Variants in RPL6 observed in about 807,000 individuals in gnomAD.
RPL6 encodes the protein large ribosomal subunit protein eL6.
A neutral mutation model predicts 32.1 loss-of-function variants in RPL6; 1 was observed. That is an observed-to-expected ratio of 0.03 (90% CI 0.01 to 0.15). The LOEUF is 0.15. Among genes scored for constraint, RPL6 ranks in the 10% least tolerant of loss-of-function variants. The pLI, the probability that RPL6 is intolerant of heterozygous loss-of-function variation, is 1.00. For synonymous variants in RPL6, 126 were observed against 131.6 expected (o/e 0.96, Z 0.29); for missense variants, 275 against 354.6 (o/e 0.78, Z 1.80).
intron 1 of RPL6, among the ~76,000 whole-genome samples, chr12:112,417,560 C>CATTTT (rs1654215719): frequency 1.3e-5 from 1 of 75,090 alleles, no homozygotes; most frequent in Non-Finnish European, 2.4e-5. Context: ...CCCGGCCCGG[C>CATTTT]TTTTTTTTTT....
chr12:112,406,965 C>T (rs934578982), intron 3 of RPL6, 75 bp from the exon 4 acceptor site: 2 of 1,480,022 alleles, frequency 1.4e-6, no homozygotes, highest in South Asian at 2.4e-5. Context: ...GTCAGCCAAA[C>T]TTTTGCTACA....
chr12:112,413,499 C>T (rs2037363971), upstream of RPL6, among the ~76,000 whole-genome samples: 2 of 152,172 alleles, frequency 1.3e-5, no homozygotes, highest in Non-Finnish European at 2.9e-5. Context: ...GATTGTGCCA[C>T]TGCACTCCAG....
At chr12:112,409,965 C>T (rs1398448392), upstream of RPL6, among the ~76,000 whole-genome samples, 2 of 144,142 alleles carry the variant, frequency 1.4e-5, no homozygotes, top group Admixed American at 7.2e-5. Flanking sequence ...GAGCCAAGAT[C>T]GCGACACTGC....
At chr12:112,406,380 TAAA>T in intron 4 of RPL6, 38 bp from the exon 5 acceptor site, 2 of 1,552,642 alleles carry the variant, frequency 1.3e-6, no homozygotes, top group African/African-American at 1.4e-5. Flanking sequence ...TTTCTGCAAT[TAAA>T]AACTGACTTC....
chr12:112,409,447 A>G (rs1403222373), intron 1 of RPL6, 140 bp downstream of exon 1: 6 of 398,506 alleles, frequency 1.5e-5, no homozygotes, highest in African/African-American at 1.2e-4. Flanking sequence ...AACAACAAAA[A>G]TGAAGCGTCT....
Position 112,408,225 on chromosome 12 carries a change from G to C in RPL6, c.336+15C>G. ...GCATAAACAGAAAATCCAATTTACA[G>C]TCCCCACATCTTACCATTTTGCGAA... On this transcript the variant is annotated intron_variant, in intron 3 of 6. Coordinates refer to ENST00000202773, the MANE Select transcript of RPL6 (RefSeq NM_000970.6). The C allele has an allele frequency of 1.3e-6, 2 of 1,593,398 alleles. No homozygotes were observed. Among genetic ancestry groups the C allele is most frequent in the African/African-American group, 1.3e-5 (1 of 74,448 alleles).
chr12:112,415,649 G>T (rs1324714200), intron 1 of RPL6, among the ~76,000 whole-genome samples: 1 of 152,052 alleles, frequency 6.6e-6, no homozygotes, highest in Non-Finnish European at 1.5e-5. Context: ...CTGGGAGGTG[G>T]AGTTTGCAGT....
rs761384418 is a variant in RPL6, at chr12:112,405,867, C to T, written c.700G>A (p.Asp234Asn). 1.2e-5 allele frequency: 19 copies of T among 1,611,420 alleles called. 1 individual carries two copies. The highest frequency in any genetic ancestry group is 1.7e-4 in the Middle Eastern group (1 of 6,060). Residue 234 changes from aspartate (D) to asparagine (N), a missense_variant, in exon 6 of 7, where the codon GAC becomes AAC. Asp to Asn is a conservative substitution (Grantham distance 23, BLOSUM62 1). Transcript: ENST00000202773. ...KPRHQEGEIF[D>N]TEKEKYEITE... ...TAGAAACTTACCTCTTTTTCTGTGT[C>T]GAAGATCTCACCTTCCTGGTGTCTG...
upstream of RPL6, among the ~76,000 whole-genome samples, chr12:112,413,516 C>T (rs1018077696): frequency 1.5e-4 from 23 of 152,004 alleles, no homozygotes; most frequent in Admixed American, 8.5e-4. Context: ...CCAGCCTGGG[C>T]GACAGAGTGA....
intron 6 of RPL6, 92 bp downstream of exon 6, chr12:112,405,761 T>C: frequency 9.4e-7 from 1 of 1,060,222 alleles, no homozygotes; most frequent in Non-Finnish European, 1.4e-6. Context: ...TTATTTAACC[T>C]TTCATTTTTC....
Position 112,406,852 on chromosome 12 carries a change from C to T in RPL6, c.375G>A (p.Leu125=). The change falls in exon 4 of 7, where the codon CTG becomes CTA. Residue 125 remains leucine (L), a synonymous_variant. Coordinates refer to ENST00000202773, the MANE Select transcript of RPL6 (RefSeq NM_000970.6). ...TGAAGGGTTTTTTGCCGTGGCTCAA[C>T]AGCTTTCGAGGCACATCTTCAGTAG... ...YYPTEDVPRK[L]LSHGKKPFSQ... The T allele has an allele frequency of 6.2e-7, 1 of 1,614,234 alleles. No homozygotes were observed. The highest frequency in any genetic ancestry group is 8.5e-7 in the Non-Finnish European group (1 of 1,180,048).
chr12:112,410,664 C>T (rs2037330402), upstream of RPL6, among the ~76,000 whole-genome samples: 1 of 141,670 alleles, frequency 7.1e-6, no homozygotes, highest in African/African-American at 2.6e-5. Context: ...ACCTCTGCCT[C>T]CTGGGTTCAA....
At chr12:112,405,574 T>C in intron 6 of RPL6, 198 bp from the exon 7 acceptor site, 1 of 655,238 alleles carries the variant, frequency 1.5e-6, no homozygotes, top group Non-Finnish European at 2.6e-6. Context: ...TCTTAAGCTT[T>C]TGTATACTTT....
upstream of RPL6, among the ~76,000 whole-genome samples, chr12:112,414,761 C>T (rs2037383204): frequency 6.6e-6 from 1 of 151,970 alleles, no homozygotes; most frequent in African/African-American, 2.4e-5. Flanking sequence ...AAAAATTAGC[C>T]GGGCGTGGTG....
intron 6 of RPL6, chr12:112,405,596 A>G: frequency 1.6e-6 from 1 of 616,986 alleles, no homozygotes; most frequent in Non-Finnish European, 2.8e-6. Flanking sequence ...GGACACATCA[A>G]GGATAAGTAA....
chr12:112,405,717 A>C, intron 6 of RPL6, 136 bp downstream of exon 6: 1 of 762,018 alleles, frequency 1.3e-6, no homozygotes, highest in East Asian at 2.7e-5. Flanking sequence ...ATTTAGAAGA[A>C]TCTGGAATAC....
At chr12:112,413,974 G>C (rs1191995849), upstream of RPL6, among the ~76,000 whole-genome samples, 1 of 152,176 alleles carries the variant, frequency 6.6e-6, no homozygotes, top group African/African-American at 2.4e-5. Context: ...AATGTGTTAG[G>C]TGCTGATAGA....
intron 3 of RPL6, chr12:112,407,371 G>A (rs1040431486): frequency 1.9e-5 from 3 of 156,116 alleles, no homozygotes; most frequent in South Asian, 3.8e-4. Flanking sequence ...TATTGCAGAA[G>A]TTAGACACCA....
At chr12:112,414,469 G>A (rs1421553596), upstream of RPL6, among the ~76,000 whole-genome samples, 1 of 152,232 alleles carries the variant, frequency 6.6e-6, no homozygotes, top group Non-Finnish European at 1.5e-5. Context: ...CTTTTATCAA[G>A]TGCTGACTTT....
Sources: gnomAD v4.1 joint callset for allele counts (sites outside exome capture counted in the v4.1 genomes callset) on GRCh38, gnomAD v4.1.1 for gene constraint, MANE v1.5 for transcripts, NCBI Gene and HGNC (gene_info 2026-07-23, HGNC 2026-07-21) for gene names.